The following RARB variants were observed in gnomAD, a reference collection of about 807,000 sequenced individuals.
RARB encodes the protein HBV-activated protein.
A neutral mutation model predicts 51.9 loss-of-function variants in RARB; 17 were observed. That is an observed-to-expected ratio of 0.33 (90% CI 0.22 to 0.49). The LOEUF is 0.49. RARB is among the 20% of genes least tolerant of loss of function. The pLI is 0.99. For missense variants in RARB, 369 were observed against 550.8 expected, an observed-to-expected ratio of 0.67 and a Z score of 3.30; for synonymous variants, 215 against 195.4, an observed-to-expected ratio of 1.10 and a Z score of -0.84.
chr3:24,850,384 T>C (rs1702540789), intron 1 of RARB, among the ~76,000 whole-genome samples: 1 of 152,150 alleles, frequency 6.6e-6, no homozygotes, highest in Non-Finnish European at 1.5e-5. Context: ...ATGACACATA[T>C]CACTTTAGCT....
chr3:25,468,896 T>TG (rs941500498), intron 2 of RARB, among the ~76,000 whole-genome samples: 1 of 152,158 alleles, frequency 6.6e-6, no homozygotes, highest in African/African-American at 2.4e-5. Context: ...AGCCAACCTT[T>TG]GGGGGCCACA....
At chr3:25,519,830 A>G (rs1490393775) in intron 3 of RARB, among the ~76,000 whole-genome samples, 3 of 152,246 alleles carry the variant, frequency 2.0e-5, no homozygotes, top group Non-Finnish European at 4.4e-5. Flanking sequence ...GGCATTGACA[A>G]TGCTTTAGAT....
At chr3:24,895,628 C>A (rs79534532) in intron 2 of RARB, among the ~76,000 whole-genome samples, 28,057 of 135,538 alleles carry the variant, frequency 0.21, 3,425 homozygotes, top group African/African-American at 0.38. Context: ...TTTTTTTTTT[C>A]CTTGAGAAGG....
At chr3:24,895,578 G>T in intron 2 of RARB, among the ~76,000 whole-genome samples, 1 of 150,704 alleles carries the variant, frequency 6.6e-6, no homozygotes, top group African/African-American at 2.5e-5. Flanking sequence ...CTTTCTATAT[G>T]CTAATTATCT....
intron 2 of RARB, among the ~76,000 whole-genome samples, chr3:25,047,127 A>C (rs1698233958): frequency 6.6e-6 from 1 of 152,166 alleles, no homozygotes; most frequent in Admixed American, 6.5e-5. Flanking sequence ...CTTCTGGAGG[A>C]ATTTGTCTTG....
At chr3:24,866,662 T>C (rs1235512876) in intron 2 of RARB, among the ~76,000 whole-genome samples, 1 of 152,212 alleles carries the variant, frequency 6.6e-6, no homozygotes, top group Non-Finnish European at 1.5e-5. Flanking sequence ...TATGTGGGGT[T>C]TTCTTCCAAA....
At chr3:25,525,703 C>A (rs1380590812) in intron 3 of RARB, among the ~76,000 whole-genome samples, 1 of 152,020 alleles carries the variant, frequency 6.6e-6, no homozygotes, top group Non-Finnish European at 1.5e-5. Context: ...AGAAGGTGGT[C>A]ATCACTGCTT....
At chr3:25,016,539 T>C (rs1697512755) in intron 2 of RARB, among the ~76,000 whole-genome samples, 1 of 152,108 alleles carries the variant, frequency 6.6e-6, no homozygotes, top group African/African-American at 2.4e-5. Flanking sequence ...ACGTTACTGG[T>C]TTGGAACATT....
chr3:24,906,930 G>T (rs1366799951), intron 2 of RARB, among the ~76,000 whole-genome samples: 1 of 150,966 alleles, frequency 6.6e-6, no homozygotes, highest in African/African-American at 2.4e-5. Context: ...ATAATATTCA[G>T]TATTGTTGTT....
rs551961927 is a variant in RARB at position 24,951,501 on chromosome 3, C to T, written c.-380+92749C>T. 1.5e-4 allele frequency among the ~76,000 whole-genome samples: 23 copies of T among 152,124 alleles called. 1 individual carries two copies. Among genetic ancestry groups the T allele is most frequent in the East Asian group, 1.9e-4 (1 of 5,182 alleles). ...TGTGAGAATTACATGACTAGCTAAA[C>T]GCTTGCTGAGAAGTGTCATAAGATT... On this transcript the variant is annotated intron_variant, in intron 2 of 11. Transcript: ENST00000383772.
At chr3:25,347,089 C>A (rs553703749) in intron 5 of RARB, among the ~76,000 whole-genome samples, 2 of 152,288 alleles carry the variant, frequency 1.3e-5, no homozygotes, top group South Asian at 4.1e-4. Context: ...GGAAAACATA[C>A]CAGATTACCA....
intron 2 of RARB, among the ~76,000 whole-genome samples, chr3:24,869,894 T>G (rs952289711): frequency 6.6e-6 from 1 of 152,114 alleles, no homozygotes; most frequent in Non-Finnish European, 1.5e-5. Flanking sequence ...CCAGTTGTTT[T>G]ATACGTTCAT....
intron 5 of RARB, among the ~76,000 whole-genome samples, chr3:25,255,954 T>G (rs983304105): frequency 6.6e-6 from 1 of 152,196 alleles, no homozygotes; most frequent in Admixed American, 6.5e-5. Flanking sequence ...TCAGTGAGAT[T>G]TCTTAAAAGT....
intron 2 of RARB, among the ~76,000 whole-genome samples, chr3:25,013,587 C>T (rs1697443646): frequency 6.6e-6 from 1 of 152,056 alleles, no homozygotes; most frequent in Non-Finnish European, 1.5e-5. Context: ...TTGCCCTCAT[C>T]TCATTGACAA....
chr3:25,465,243 G>A (rs929639064), intron 2 of RARB, among the ~76,000 whole-genome samples: 1 of 152,132 alleles, frequency 6.6e-6, no homozygotes, highest in Non-Finnish European at 1.5e-5. Context: ...GAATCCAGAA[G>A]CAACTTTTCT....
At chr3:25,364,300 C>T (rs1706045134) in intron 5 of RARB, among the ~76,000 whole-genome samples, 1 of 152,074 alleles carries the variant, frequency 6.6e-6, no homozygotes, top group African/African-American at 2.4e-5. Context: ...CAAGTGGACT[C>T]ATGAGGGAAT....
At chr3:25,202,934 G>C (rs1013749626) in intron 5 of RARB, among the ~76,000 whole-genome samples, 1 of 152,188 alleles carries the variant, frequency 6.6e-6, no homozygotes, top group Non-Finnish European at 1.5e-5. Flanking sequence ...GGAGAGTTCT[G>C]TAGATGTCTA....
At chr3:25,246,306 T>C (rs1343440790) in intron 5 of RARB, among the ~76,000 whole-genome samples, 1 of 152,142 alleles carries the variant, frequency 6.6e-6, no homozygotes, top group Non-Finnish European at 1.5e-5. Context: ...ACCCATCTTC[T>C]GAAGCCTAAT....
intron 2 of RARB, among the ~76,000 whole-genome samples, chr3:24,859,962 T>TA (rs1702716140): frequency 6.6e-6 from 1 of 151,280 alleles, no homozygotes. Context: ...AGGTTGGGAA[T>TA]AAAAACAAAA....
Sources: allele counts gnomAD v4.1 joint callset (sites outside exome capture counted in the v4.1 genomes callset), GRCh38; gene constraint gnomAD v4.1.1; transcripts MANE v1.5; gene names NCBI Gene and HGNC (gene_info 2026-07-23, HGNC 2026-07-21).